Variants in FAM135B observed in about 807,000 individuals in gnomAD.
The protein encoded by FAM135B is protein FAM135B.
Under a neutral mutation model 127.7 loss-of-function variants are expected in FAM135B, and 43 were observed. The ratio of observed to expected loss-of-function variants is 0.34; its 90% CI spans 0.26 to 0.43. FAM135B has a LOEUF of 0.43. Among genes scored for constraint, FAM135B ranks in the 20% least tolerant of loss-of-function variants. The probability of loss-of-function intolerance (pLI) is 1.00; values close to 1 mark genes in which losing one functional copy is unlikely to be tolerated. For synonymous variants in FAM135B, 670 were observed against 665.1 expected (o/e 1.01, Z -0.11); for missense variants, 1,558 against 1,725.6 (o/e 0.90, Z 1.72).
At chr8:138,338,244 C>A (rs544276680) in intron 2 of FAM135B, among the ~76,000 whole-genome samples, 1,571 of 150,922 alleles carry the variant, frequency 0.01, 26 homozygotes, top group African/African-American at 0.035. Context: ...GCAACAAAAG[C>A]CAAAATTGAC....
intron 1 of FAM135B, among the ~76,000 whole-genome samples, chr8:138,458,025 C>T (rs1419256689): frequency 2.6e-5 from 4 of 151,222 alleles, no homozygotes; most frequent in South Asian, 2.1e-4. Context: ...ATGTGGCACA[C>T]GCCTATAGTC....
At position 138,243,461 on chromosome 8, in the gene FAM135B, C is replaced by T. The variant is rs988321625; in HGVS notation, c.543-393G>A. On this transcript the variant is annotated intron_variant, in intron 6 of 19. Coordinates refer to ENST00000395297, the MANE Select transcript of FAM135B (RefSeq NM_015912.4). The surrounding 1 kb of genome is among the most constrained non-coding windows in gnomAD (Gnocchi z 7.5). ...TGAGTCCTGTCCCTGCTCCTTCCACCAACTCCTCCCTCCCTGGACCTCTTT... is the reference window on the plus strand; with the variant it reads ...TGAGTCCTGTCCCTGCTCCTTCCACTAACTCCTCCCTCCCTGGACCTCTTT... 3.9e-5 allele frequency among the ~76,000 whole-genome samples: 6 copies of T among 152,186 alleles called. No individual in the cohort carries two copies. The highest frequency in any genetic ancestry group is 2.6e-4 in the Admixed American group (4 of 15,286).
Position 138,151,340 on chromosome 8 carries a change from TGAGAAAGG to T in FAM135B, c.3127_3134del (p.Pro1043IlefsTer41). 6.2e-7 allele frequency: 1 copy of T among 1,613,898 alleles called. No individual in the cohort carries two copies. The highest frequency in any genetic ancestry group is 8.5e-7 in the Non-Finnish European group (1 of 1,179,956). ...TGGCAGGGGTCTCCTTGGGCACAGA[TGAGAAAGG>T]GAGACAGGTGGCAGTGCAAGACACA... On this transcript the variant is annotated frameshift_variant, in exon 13 of 20. Coordinates refer to ENST00000395297, the MANE Select transcript of FAM135B (RefSeq NM_015912.4). LOFTEE classifies it high-confidence loss of function.
At chr8:138,236,343 T>C (rs1469652424) in intron 7 of FAM135B, among the ~76,000 whole-genome samples, 4 of 151,866 alleles carry the variant, frequency 2.6e-5, no homozygotes, top group African/African-American at 9.7e-5. Context: ...AAAGCCAAAA[T>C]ATGGAAACCA....
chr8:138,137,502 C>A (rs1297258309), intron 18 of FAM135B, among the ~76,000 whole-genome samples: 1 of 151,988 alleles, frequency 6.6e-6, no homozygotes, highest in African/African-American at 2.4e-5. Flanking sequence ...AGGGGCTTTG[C>A]GTTTGTGAGG....
At position 138,388,597 on chromosome 8, in the gene FAM135B, G is replaced by C. The variant is rs1014864645; in HGVS notation, c.-19-20595C>G. On this transcript the variant is annotated intron_variant, in intron 1 of 19. Coordinates refer to ENST00000395297, the MANE Select transcript of FAM135B (RefSeq NM_015912.4). ...GAGCTATCAAGCCATGTCGAGGCAT[G>C]GAGGCACCTTACATGCATATTAGTA... is the stretch of plus-strand genomic sequence containing the variant. Among the ~76,000 whole-genome samples the C allele has an allele frequency of 2.0e-5, 3 of 152,280 alleles. No homozygotes were observed. The East Asian group carries it at 5.8e-4, about 29-fold the overall frequency.
rs1271393701 is a variant in FAM135B, at chr8:138,242,226, G to C, written c.669+716C>G. Among the ~76,000 whole-genome samples the C allele has an allele frequency of 7.9e-6, 1 of 127,272 alleles. No homozygotes were observed. Among genetic ancestry groups the C allele is most frequent in the Non-Finnish European group, 1.6e-5 (1 of 61,546 alleles). The allele number at this position is 127,272 out of a possible 152,430, so 83.5% of individuals were successfully genotyped here. A position where few individuals can be genotyped will look rare whatever the true frequency, so the allele number is the denominator to read the frequency against. ...GTGTGTGTGTGTGTGTGTTCTATTG[G>C]CTGTATTGGTCCTGTTTCTCTGGAG... On this transcript the variant is annotated intron_variant, in intron 7 of 19. Transcript: ENST00000395297. The surrounding 1 kb of genome is among the most constrained non-coding windows in gnomAD (Gnocchi z 9.6).
chr8:138,153,322 G>A, intron 12 of FAM135B, 106 bp from the exon 13 acceptor site: 1 of 875,810 alleles, frequency 1.1e-6, no homozygotes, highest in South Asian at 2.2e-5. Flanking sequence ...TGTGGACTCG[G>A]TTCGAAGATG....
chr8:138,392,856 A>T (rs556723548), intron 1 of FAM135B, among the ~76,000 whole-genome samples: 1 of 152,310 alleles, frequency 6.6e-6, no homozygotes, highest in South Asian at 2.1e-4. Flanking sequence ...GGGAAGAATT[A>T]GAAACTACCT....
intron 1 of FAM135B, among the ~76,000 whole-genome samples, chr8:138,494,942 A>G (rs983139851): frequency 1.3e-5 from 2 of 152,050 alleles, no homozygotes; most frequent in Non-Finnish European, 2.9e-5. Context: ...CAGCACTTGT[A>G]GGCAAGGTGG....
intron 12 of FAM135B, among the ~76,000 whole-genome samples, chr8:138,153,542 G>A (rs1818390886): frequency 6.6e-6 from 1 of 152,160 alleles, no homozygotes; most frequent in African/African-American, 2.4e-5. Context: ...CCTAGCCAAG[G>A]GAAGCCATGA....
intron 9 of FAM135B, among the ~76,000 whole-genome samples, chr8:138,186,144 G>A (rs1013706509): frequency 1.2e-4 from 18 of 152,130 alleles, no homozygotes; most frequent in African/African-American, 3.9e-4. Flanking sequence ...TAAGGTGCCC[G>A]CTCCTCCTTG....
chr8:138,198,007 C>T lies in FAM135B; in HGVS notation c.670-338G>A, dbSNP rs184547444. On this transcript the variant is annotated intron_variant, in intron 7 of 19. Transcript: ENST00000395297. ...ATTGGCCTCACAGGTTTGAGACAAT[C>T]GAGTGGCCCCACTTACAAGCTGATA... Among the ~76,000 whole-genome samples, 536 of 152,290 alleles carry T rather than the reference C, an allele frequency of 3.5e-3. 1 individual carries two copies. The highest frequency in any genetic ancestry group is 6.1e-3 in the Non-Finnish European group (412 of 68,030).
At chr8:138,381,254 C>G (rs760070214) in intron 1 of FAM135B, among the ~76,000 whole-genome samples, 12 of 152,184 alleles carry the variant, frequency 7.9e-5, no homozygotes, top group Non-Finnish European at 1.3e-4. Flanking sequence ...AAAATACTCT[C>G]ATCAAAGTGC....
intron 7 of FAM135B, among the ~76,000 whole-genome samples, chr8:138,205,949 C>T (rs1817518617): frequency 1.3e-5 from 2 of 150,700 alleles, no homozygotes; most frequent in South Asian, 4.2e-4. Context: ...CTGCCCTCCC[C>T]GTTCACACAG....
intron 7 of FAM135B, among the ~76,000 whole-genome samples, chr8:138,203,727 T>C (rs908831512): frequency 6.6e-6 from 1 of 152,168 alleles, no homozygotes; most frequent in African/African-American, 2.4e-5. Flanking sequence ...GGGATGGTTT[T>C]GGGATGATTC....
rs1227608998 is a variant in FAM135B at position 138,265,836 on chromosome 8, C to A, written c.164G>T (p.Ser55Ile). ...SASIAGQTES[S>I]SLHSACVHDS... ...ATGGACACAGGCTGAATGCAGGCTG[C>A]TGCTCTCTGCAAAACAAGAATCAGT... The change falls in exon 4 of 20, where the codon AGC (serine) becomes ATC (isoleucine). Residue 55 changes from serine (S) to isoleucine (I), a missense_variant. Around this residue, in one of 5 missense-constraint regions of FAM135B, gnomAD observed 199 missense variants for 245.7 expected, o/e 0.81. Transcript: ENST00000395297. 1.2e-6 allele frequency: 2 copies of A among 1,613,318 alleles called. No homozygotes were observed.
At chr8:138,298,626 T>C (rs11166802) in intron 3 of FAM135B, among the ~76,000 whole-genome samples, 151,518 of 152,314 alleles carry the variant, frequency 0.99, 75,369 homozygotes, top group Middle Eastern at 1. Context: ...TTAAGAAGTC[T>C]GGATTTTTTT....
intron 2 of FAM135B, among the ~76,000 whole-genome samples, chr8:138,334,030 CT>C (rs527431805): frequency 6.6e-6 from 1 of 152,322 alleles, no homozygotes; most frequent in South Asian, 2.1e-4. Context: ...TCAAGTGATT[CT>C]TCTGCCTCAG....
Sources: gnomAD v4.1 joint callset for allele counts (sites outside exome capture counted in the v4.1 genomes callset) on GRCh38, gnomAD v4.1.1 for gene constraint, gnomAD v4.1.1 regional missense constraint, Gnocchi (gnomAD v3.1) non-coding constraint, MANE v1.5 for transcripts, NCBI Gene and HGNC (gene_info 2026-07-23, HGNC 2026-07-21) for gene names.